Variants in ADK observed in about 807,000 individuals in gnomAD.
ADK encodes N6,N6-dimethyladenosine kinase.
Under a neutral mutation model 44.7 loss-of-function variants are expected in ADK, and 24 were observed. The observed-to-expected ratio is 0.54, with a 90% CI of 0.39 to 0.76. The LOEUF is 0.76. Ranked by LOEUF, ADK falls within the 30% of genes least tolerant of loss-of-function variation. The probability of loss-of-function intolerance (pLI) is 0.00; values close to 1 mark genes in which losing one functional copy is unlikely to be tolerated. For missense variants in ADK, 321 were observed against 425.1 expected, an observed-to-expected ratio of 0.76 and a Z score of 2.15; for synonymous variants, 128 against 142.6, an observed-to-expected ratio of 0.90 and a Z score of 0.73.
At chr10:74,531,085 C>T (rs1849275644) in intron 7 of ADK, among the ~76,000 whole-genome samples, 1 of 152,058 alleles carries the variant, frequency 6.6e-6, no homozygotes. Context: ...TGCAGAATCC[C>T]AACAAGTCTT....
intron 3 of ADK, among the ~76,000 whole-genome samples, chr10:74,227,151 A>G (rs1366718719): frequency 3.9e-5 from 6 of 152,204 alleles, no homozygotes; most frequent in African/African-American, 1.4e-4. Context: ...AAACAAAAAA[A>G]TCTTTTTGTG....
chr10:74,653,215 G>C (rs192148899), intron 9 of ADK, among the ~76,000 whole-genome samples: 1 of 152,166 alleles, frequency 6.6e-6, no homozygotes, highest in East Asian at 1.9e-4. Context: ...ACTTTGGGAG[G>C]CTGAGGTGGG....
chr10:74,650,290 G>A (rs558610459), intron 9 of ADK, among the ~76,000 whole-genome samples: 3 of 152,082 alleles, frequency 2.0e-5, no homozygotes, highest in East Asian at 1.9e-4. Flanking sequence ...TGTCATGGCC[G>A]GCGTTTGTGG....
At chr10:74,429,493 A>G (rs1004445376) in intron 6 of ADK, among the ~76,000 whole-genome samples, 1 of 152,194 alleles carries the variant, frequency 6.6e-6, no homozygotes, top group Admixed American at 6.5e-5. Flanking sequence ...TCTTTAGTCA[A>G]GTGGTCTTAT....
chr10:74,691,801 G>T (rs1855998693), intron 10 of ADK, among the ~76,000 whole-genome samples: 1 of 152,040 alleles, frequency 6.6e-6, no homozygotes, highest in African/African-American at 2.4e-5. Context: ...TAAATACTAA[G>T]AATTTTTTTT....
chr10:74,497,528 T>C (rs1459603813), intron 6 of ADK, among the ~76,000 whole-genome samples: 1 of 152,240 alleles, frequency 6.6e-6, no homozygotes, highest in Non-Finnish European at 1.5e-5. Flanking sequence ...GTGAGTGCTA[T>C]GTGCCAGGCA....
rs1848186155 is a variant in ADK at position 74,508,872 on chromosome 10, G to A, written c.556-16384G>A. On this transcript the variant is annotated intron_variant, in intron 6 of 10. Coordinates refer to ENST00000539909, the MANE Select transcript of ADK (RefSeq NM_006721.4). Reference sequence around the variant, plus strand: ...TTTAAATTATACATAATATATAAAAGGGTAAATTATAGCTTGTCTGATTTG... The same window carrying A: ...TTTAAATTATACATAATATATAAAAAGGTAAATTATAGCTTGTCTGATTTG... Among the ~76,000 whole-genome samples the A allele has an allele frequency of 2.6e-5, 4 of 152,006 alleles. No individual in the cohort carries two copies. The South Asian group carries it at 8.3e-4, about 32-fold the overall frequency.
At chr10:74,445,320 A>T (rs1314059725) in intron 6 of ADK, among the ~76,000 whole-genome samples, 1 of 151,964 alleles carries the variant, frequency 6.6e-6, no homozygotes, top group Non-Finnish European at 1.5e-5. Context: ...TAATTTCAGT[A>T]TTAACACCTT....
intron 6 of ADK, among the ~76,000 whole-genome samples, chr10:74,413,676 C>A (rs546803116): frequency 6.6e-6 from 1 of 152,172 alleles, no homozygotes; most frequent in Non-Finnish European, 1.5e-5. Flanking sequence ...CTTATTCATG[C>A]GTTCACTGGA....
chr10:74,250,840 A>G (rs1845626435), intron 3 of ADK, among the ~76,000 whole-genome samples: 2 of 152,136 alleles, frequency 1.3e-5, no homozygotes, highest in African/African-American at 4.8e-5. Context: ...GAGTGCAGTG[A>G]CATGATCACA....
intron 7 of ADK, among the ~76,000 whole-genome samples, chr10:74,558,331 A>G (rs1299071623): frequency 1.3e-5 from 2 of 152,166 alleles, no homozygotes; most frequent in Non-Finnish European, 2.9e-5. Context: ...CTGAGTAGCT[A>G]GGACTACAGG....
chr10:74,491,239 C>T (rs910070917), intron 6 of ADK, among the ~76,000 whole-genome samples: 24 of 152,060 alleles, frequency 1.6e-4, no homozygotes, highest in Non-Finnish European at 2.9e-4. Context: ...AGGATCTTCA[C>T]TTGGTGCATC....
chr10:74,354,809 T>TA (rs1022658798), intron 4 of ADK, among the ~76,000 whole-genome samples: 1 of 152,252 alleles, frequency 6.6e-6, no homozygotes, highest in Non-Finnish European at 1.5e-5. Context: ...TTATCTATCT[T>TA]AAAAAAGTTA....
At chr10:74,366,025 A>G (rs773025331) in intron 4 of ADK, among the ~76,000 whole-genome samples, 1 of 152,094 alleles carries the variant, frequency 6.6e-6, no homozygotes, top group African/African-American at 2.4e-5. Flanking sequence ...TTTTTGGGAG[A>G]AATGTATATT....
At chr10:74,651,166 G>T (rs746750697) in intron 9 of ADK, among the ~76,000 whole-genome samples, 5 of 152,094 alleles carry the variant, frequency 3.3e-5, no homozygotes, top group Non-Finnish European at 5.9e-5. Context: ...GCCAAAATTC[G>T]GTATGGTATT....
chr10:74,612,640 C>T lies in ADK; in HGVS notation c.877+12147C>T, dbSNP rs78186082. ...GTGCAGAAACTCTTTAGTTAAGTTA[C>T]AATGGTCAATTTTTATTTTTGTTGC... is the stretch of plus-strand genomic sequence containing the variant. On this transcript the variant is annotated intron_variant, in intron 9 of 10. Transcript: ENST00000539909. Among the ~76,000 whole-genome samples, 1,097 of 152,152 alleles carry T rather than the reference C, an allele frequency of 7.2e-3. 12 individuals carry two copies. The highest frequency in any genetic ancestry group is 0.014 in the Admixed American group (207 of 15,268).
intron 3 of ADK, among the ~76,000 whole-genome samples, chr10:74,240,079 A>G (rs1353610504): frequency 6.6e-6 from 1 of 151,424 alleles, no homozygotes; most frequent in South Asian, 2.1e-4. Flanking sequence ...TAGTGGCACG[A>G]TCTGAGCTCA....
intron 4 of ADK, among the ~76,000 whole-genome samples, chr10:74,334,997 A>G (rs1841358534): frequency 6.6e-6 from 1 of 152,130 alleles, no homozygotes; most frequent in South Asian, 2.1e-4. Flanking sequence ...TTTCTCTACT[A>G]TGACTTGTAC....
intron 7 of ADK, among the ~76,000 whole-genome samples, chr10:74,525,793 T>A (rs1287512433): frequency 6.6e-6 from 1 of 152,128 alleles, no homozygotes; most frequent in Non-Finnish European, 1.5e-5. Flanking sequence ...TAGCTGGGGT[T>A]ATAGGCGCAT....
Sources: gnomAD v4.1 joint callset for allele counts (sites outside exome capture counted in the v4.1 genomes callset) on GRCh38, gnomAD v4.1.1 for gene constraint, MANE v1.5 for transcripts, NCBI Gene and HGNC (gene_info 2026-07-23, HGNC 2026-07-21) for gene names.